Variants in SLC41A2 observed in about 807,000 individuals in gnomAD.
The protein encoded by SLC41A2 is solute carrier family 41 member 2.
SLC41A2 carries 32 observed loss-of-function variants against 58.3 expected under a neutral mutation model. The ratio of observed to expected loss-of-function variants is 0.55; its 90% CI spans 0.41 to 0.74. The LOEUF is 0.74. SLC41A2 is among the 30% of genes least tolerant of loss of function. The pLI is 0.00. For synonymous variants in SLC41A2, 190 were observed against 235.0 expected, an observed-to-expected ratio of 0.81 and a Z score of 1.75; for missense variants, 514 against 680.6, an observed-to-expected ratio of 0.76 and a Z score of 2.72.
chr12:104,878,299 T>TTTTATATATA (rs1555206630), intron 6 of SLC41A2, among the ~76,000 whole-genome samples: 3 of 139,920 alleles, frequency 2.1e-5, no homozygotes, highest in African/African-American at 7.8e-5. Context: ...TACCTGTATT[T>TTTTATATATA]TATATATATA....
At chr12:104,890,926 T>G (rs552896950) in intron 4 of SLC41A2, among the ~76,000 whole-genome samples, 38 of 152,152 alleles carry the variant, frequency 2.5e-4, no homozygotes, top group Non-Finnish European at 4.9e-4. Context: ...GTCTGTGCTT[T>G]CTACCCTTCT....
chr12:104,841,397 G>A (rs1486812703), intron 10 of SLC41A2, among the ~76,000 whole-genome samples: 2 of 151,822 alleles, frequency 1.3e-5, no homozygotes, highest in East Asian at 3.9e-4. Flanking sequence ...TCCACTGAAG[G>A]AGATGGAGCT....
At chr12:104,873,968 A>G (rs1405304090) in intron 6 of SLC41A2, among the ~76,000 whole-genome samples, 2 of 151,876 alleles carry the variant, frequency 1.3e-5, no homozygotes, top group African/African-American at 4.8e-5. Context: ...CTCCCAATCC[A>G]TAGGATGCCT....
At chr12:104,857,518 AT>A (rs1482115174) in intron 8 of SLC41A2, among the ~76,000 whole-genome samples, 1 of 152,194 alleles carries the variant, frequency 6.6e-6, no homozygotes, top group Non-Finnish European at 1.5e-5. Context: ...CACCCAAAGG[AT>A]TATAAATCAT....
At position 104,924,862 on chromosome 12, in the gene SLC41A2, T is replaced by C. The variant is rs561863715; in HGVS notation, c.555+3111A>G. On this transcript the variant is annotated intron_variant, in intron 2 of 10. Coordinates refer to ENST00000258538, the MANE Select transcript of SLC41A2 (RefSeq NM_001352171.3). ...TTACTATCCAGCAATGGAAATAAAC[T>C]ACAGTTTCATGAAATTTATATAATG... is the stretch of plus-strand genomic sequence containing the variant. 5.7e-4 allele frequency among the ~76,000 whole-genome samples: 87 copies of C among 152,106 alleles called. No homozygotes were observed. The South Asian group carries it at 0.013, about 23-fold the overall frequency.
intron 1 of SLC41A2, among the ~76,000 whole-genome samples, chr12:104,954,033 A>G (rs1242136069): frequency 6.6e-6 from 1 of 152,108 alleles, no homozygotes; most frequent in Admixed American, 6.5e-5. Context: ...TTTCCTTCCA[A>G]ATTGTTTCAT....
At chr12:104,865,881 C>T (rs2043418949) in intron 7 of SLC41A2, among the ~76,000 whole-genome samples, 1 of 151,990 alleles carries the variant, frequency 6.6e-6, no homozygotes, top group South Asian at 2.1e-4. Context: ...TGATCAATAC[C>T]GTATTGCAAG....
At chr12:104,889,739 G>T (rs1344938834) in intron 4 of SLC41A2, among the ~76,000 whole-genome samples, 1 of 152,160 alleles carries the variant, frequency 6.6e-6, no homozygotes, top group African/African-American at 2.4e-5. Flanking sequence ...GTCAGTGGGA[G>T]AGACAAACAT....
chr12:104,869,722 A>G (rs2043664503), intron 6 of SLC41A2, among the ~76,000 whole-genome samples: 1 of 152,176 alleles, frequency 6.6e-6, no homozygotes, highest in South Asian at 2.1e-4. Flanking sequence ...CTTCTAATCC[A>G]ATTTTGATAG....
chr12:104,831,535 A>G (rs1032412194), intron 10 of SLC41A2, among the ~76,000 whole-genome samples: 2 of 152,232 alleles, frequency 1.3e-5, no homozygotes, highest in Non-Finnish European at 2.9e-5. Context: ...AAGTTTAGAT[A>G]TTGTATCCCC....
Position 104,824,700 on chromosome 12 carries a change from GCAAA to G in SLC41A2, c.1537-19367_1537-19364del, listed in dbSNP as rs376040968. On this transcript the variant is annotated intron_variant, in intron 10 of 10. Transcript: ENST00000258538. Reference sequence around the variant, plus strand: ...ACACATGCCCACTGGGGCTTCAGTTGCAAACATTCACCCCTAGACAATGCTGTGG... The same window carrying G: ...ACACATGCCCACTGGGGCTTCAGTTGCATTCACCCCTAGACAATGCTGTGG... Among the ~76,000 whole-genome samples, 590 of 152,234 alleles carry G rather than the reference GCAAA, an allele frequency of 3.9e-3. 6 individuals are homozygous for G. The highest frequency in any genetic ancestry group is 0.013 in the African/African-American group (557 of 41,544).
chr12:104,905,678 C>T (rs548142593), intron 3 of SLC41A2, among the ~76,000 whole-genome samples: 12 of 152,312 alleles, frequency 7.9e-5, no homozygotes, highest in South Asian at 2.1e-4. Flanking sequence ...AGCTAAGGCC[C>T]GGCGAGAAAT....
chr12:104,857,678 A>G (rs2043067017), intron 8 of SLC41A2, among the ~76,000 whole-genome samples: 1 of 152,122 alleles, frequency 6.6e-6, no homozygotes, highest in Non-Finnish European at 1.5e-5. Flanking sequence ...TGCAGCCATA[A>G]AAAAGGATGA....
chr12:104,949,636 T>A (rs2047877899), intron 1 of SLC41A2, among the ~76,000 whole-genome samples: 1 of 152,122 alleles, frequency 6.6e-6, no homozygotes, highest in Non-Finnish European at 1.5e-5. Context: ...CAGGCTGGAG[T>A]GCAATGGCAC....
At chr12:104,932,370 A>C (rs2047084747) in intron 1 of SLC41A2, among the ~76,000 whole-genome samples, 1 of 152,162 alleles carries the variant, frequency 6.6e-6, no homozygotes, top group Non-Finnish European at 1.5e-5. Flanking sequence ...TCATGCCTGC[A>C]ATCACAGCAT....
Position 104,845,871 on chromosome 12 carries a change from G to A in SLC41A2, c.1359C>T (p.Tyr453=), listed in dbSNP as rs1344955649. The change falls in exon 9 of 11, where the codon TAC becomes TAT. Residue 453 remains tyrosine (Y), a synonymous_variant. Transcript: ENST00000258538. The part of the protein sequence containing the change: ...GELPDEPKGC[Y]YPFRTFFGPG... ...GACCAAAGAAAGTTCTAAATGGGTAGTAACAACCTTTGGGTTCATCAGGCA... is the reference window on the plus strand; with the variant it reads ...GACCAAAGAAAGTTCTAAATGGGTAATAACAACCTTTGGGTTCATCAGGCA... 2.5e-6 allele frequency: 4 copies of A among 1,613,542 alleles called. No individual in the cohort carries two copies. Among genetic ancestry groups the A allele is most frequent in the Non-Finnish European group, 2.5e-6 (3 of 1,179,734 alleles).
chr12:104,892,558 C>T (rs1349066706), intron 4 of SLC41A2, among the ~76,000 whole-genome samples: 1 of 151,828 alleles, frequency 6.6e-6, no homozygotes, highest in Non-Finnish European at 1.5e-5. Context: ...TCAAAACTAT[C>T]CTAAGCAAAA....
At chr12:104,946,085 G>A (rs970449708) in intron 1 of SLC41A2, among the ~76,000 whole-genome samples, 23 of 151,858 alleles carry the variant, frequency 1.5e-4, no homozygotes, top group Non-Finnish European at 2.4e-4. Flanking sequence ...CTTTTTTGGC[G>A]ACCCTTTCTA....
At chr12:104,870,951 T>TA (rs1164935558) in intron 6 of SLC41A2, among the ~76,000 whole-genome samples, 6 of 152,156 alleles carry the variant, frequency 3.9e-5, no homozygotes, top group Admixed American at 3.9e-4. Flanking sequence ...GGTACTGTGC[T>TA]AAAAATCCCT....
Sources: gnomAD v4.1 joint callset for allele counts (sites outside exome capture counted in the v4.1 genomes callset) on GRCh38, gnomAD v4.1.1 for gene constraint, MANE v1.5 for transcripts, NCBI Gene and HGNC (gene_info 2026-07-23, HGNC 2026-07-21) for gene names.